POM121: variants seen among roughly 807,000 people sequenced by gnomAD.
POM121 encodes the protein nuclear envelope pore membrane protein POM 121.
A neutral mutation model predicts 81.3 loss-of-function variants in POM121; 32 were observed. The ratio of observed to expected loss-of-function variants is 0.39; its 90% CI spans 0.30 to 0.53. The LOEUF (loss-of-function observed/expected upper bound fraction) is 0.53. POM121 is among the 20% of genes least tolerant of loss of function. The pLI is 0.66. For synonymous variants in POM121, 514 were observed against 694.2 expected (o/e 0.74, Z 4.08); for missense variants, 1,138 against 1,614.6 (o/e 0.70, Z 5.06).
At chr7:72,937,759 T>C (rs1796654950) in intron 5 of POM121, among the ~76,000 whole-genome samples, 1 of 152,172 alleles carries the variant, frequency 6.6e-6, no homozygotes, top group South Asian at 2.1e-4. Flanking sequence ...CTCTGTGCCA[T>C]CTACTTTGCT....
chr7:72,936,086 A>G (rs1163666175), intron 5 of POM121, among the ~76,000 whole-genome samples: 8 of 151,954 alleles, frequency 5.3e-5, no homozygotes, highest in Non-Finnish European at 1.2e-4. Context: ...TGTACAGTCA[A>G]TGAAGTAGAG....
chr7:72,903,005 T>G (rs547011638), intron 3 of POM121, among the ~76,000 whole-genome samples: 1 of 152,248 alleles, frequency 6.6e-6, no homozygotes, highest in Admixed American at 6.5e-5. Context: ...TTAAAGACAA[T>G]TTGTTTCTTT....
At chr7:72,933,816 A>G (rs540431286) in intron 5 of POM121, among the ~76,000 whole-genome samples, 3 of 152,254 alleles carry the variant, frequency 2.0e-5, no homozygotes, top group Non-Finnish European at 4.4e-5. Context: ...TTATCTTTTC[A>G]GGGAGCTGAC....
intron 4 of POM121, among the ~76,000 whole-genome samples, chr7:72,918,012 G>T (rs540407975): frequency 6.6e-6 from 1 of 152,280 alleles, no homozygotes; most frequent in South Asian, 2.1e-4. Context: ...GATAGCTTAC[G>T]CCATTATTTC....
At chr7:72,886,205 A>T (rs1790697249) in intron 1 of POM121, among the ~76,000 whole-genome samples, 1 of 151,826 alleles carries the variant, frequency 6.6e-6, no homozygotes, top group African/African-American at 2.4e-5. Flanking sequence ...ACAGAGTCTC[A>T]CTCTGTCCCC....
At chr7:72,895,865 C>T (rs1791897657) in intron 3 of POM121, among the ~76,000 whole-genome samples, 1 of 151,568 alleles carries the variant, frequency 6.6e-6, no homozygotes. Flanking sequence ...GCTGAGATCG[C>T]GCCACTATAC....
intron 1 of POM121, chr7:72,890,507 A>C (rs1363716569): frequency 8.3e-7 from 1 of 1,205,632 alleles, no homozygotes. Flanking sequence ...CCCTTCCATA[A>C]TCTGTAACAT....
chr7:72,888,613 T>G (rs1252870287), intron 1 of POM121, among the ~76,000 whole-genome samples: 1 of 152,136 alleles, frequency 6.6e-6, no homozygotes, highest in Admixed American at 6.5e-5. Flanking sequence ...AGTGGGAAGA[T>G]ATGTAGTTTT....
chr7:72,939,159 A>G (rs1250687168), intron 6 of POM121, among the ~76,000 whole-genome samples, 177 bp from the exon 7 acceptor site: 2 of 152,202 alleles, frequency 1.3e-5, no homozygotes, highest in Non-Finnish European at 2.9e-5. Flanking sequence ...CTCTGTGAAC[A>G]GCCTCCCTTC....
Position 72,927,058 on chromosome 7 carries a change from A to G in POM121, c.1022+95A>G, listed in dbSNP as rs782318264. On this transcript the variant is annotated intron_variant, in intron 3 of 12. Transcript: ENST00000434423. ...CCATATAGATACAGAGGCCATCTCC[A>G]GTTTATGAGCCTTCGTAGGCCCCCT... 3.1e-5 allele frequency: 50 copies of G among 1,589,216 alleles called. No homozygotes were observed. The Middle Eastern group carries it at 6.3e-4, about 20-fold the overall frequency.
At chr7:72,949,612 C>G, downstream of POM121, 2 of 671,050 alleles carry the variant, frequency 3.0e-6, no homozygotes, top group Non-Finnish European at 5.3e-6. Context: ...ATTGAAACAG[C>G]CTATATTTAA....
At chr7:72,930,901 C>T (rs1795953340) in intron 5 of POM121, among the ~76,000 whole-genome samples, 1 of 152,114 alleles carries the variant, frequency 6.6e-6, no homozygotes, top group South Asian at 2.1e-4. Flanking sequence ...CACATAACAT[C>T]TCTTTTTCTT....
Position 72,925,158 on chromosome 7 carries a change from C to A in POM121, c.37C>A (p.Arg13=), listed in dbSNP as rs1459542789. ...PAAAAAGAGE[R]RRPIASVRDG... ...GGCTGCGGCGGCTGGAGCAGGCGAG[C>A]GGCGGCGGCCCATAGCGAGTGTCAG... Residue 13 remains arginine (R), a synonymous_variant, in exon 1 of 13, where the codon CGG becomes AGG. Transcript: ENST00000434423. 192 of 1,476,822 alleles carry A rather than the reference C, an allele frequency of 1.3e-4. No homozygotes were observed. Among genetic ancestry groups the A allele is most frequent in the Non-Finnish European group, 1.6e-4 (182 of 1,123,600 alleles). The allele number at this position is 1,476,822 out of a possible 1,614,324, so 91.5% of individuals were successfully genotyped here.
In POM121 at chr7:72,879,836, G is replaced by T. The variant is rs879962401; in HGVS notation, c.-570G>T. ...ACGCGCGCGCCAGCGACAGCAGCCC[G>T]CCCCGGCCTCTCGGGAGCCGTGGGG... On this transcript the variant is annotated 5_prime_UTR_variant, in exon 1 of 16. Coordinates refer to the POM121 transcript ENST00000395270. 20 of 508,778 alleles carry T rather than the reference G, an allele frequency of 3.9e-5. 1 individual carries two copies. Among genetic ancestry groups the T allele is most frequent in the Admixed American group, 2.2e-4 (11 of 50,194 alleles). 31.5% of individuals were successfully genotyped at this position (508,778 alleles called of 1,614,324 possible). A position where few individuals can be genotyped will look rare whatever the true frequency, so the allele number is the denominator to read the frequency against.
Position 72,928,456 on chromosome 7 carries a change from T to C in POM121, c.1094T>C (p.Phe365Ser), listed in dbSNP as rs782567001. The change falls in exon 4 of 13, where the codon TTT becomes TCT. Residue 365 changes from phenylalanine (F) to serine (S), a missense_variant. By Grantham distance (155) the Phe-to-Ser change is radical. This residue lies in a region of POM121 where 646 missense variants were observed against 633.5 expected (regional missense o/e 1.02). Coordinates refer to ENST00000434423, the MANE Select transcript of POM121 (RefSeq NM_001387691.1). ...PLVANGVPAS[F>S]VPKPGSLKRG... Reference sequence around the variant, plus strand: ...GTGGCCAATGGAGTCCCCGCTTCTTTTGTGCCTAAGTAAGTGGGAGTCCAT... The same window carrying C: ...GTGGCCAATGGAGTCCCCGCTTCTTCTGTGCCTAAGTAAGTGGGAGTCCAT... The C allele has an allele frequency of 7.4e-6, 12 of 1,614,074 alleles. No homozygotes were observed. Among genetic ancestry groups the C allele is most frequent in the Admixed American group, 6.7e-5 (4 of 60,006 alleles).
chr7:72,899,726 G>GCC (rs1792395778), intron 3 of POM121, among the ~76,000 whole-genome samples: 2 of 151,848 alleles, frequency 1.3e-5, no homozygotes, highest in South Asian at 2.1e-4. Context: ...CTACAGGCAT[G>GCC]TGCCACCACG....
intron 1 of POM121, among the ~76,000 whole-genome samples, chr7:72,887,517 C>T (rs1554490240): frequency 6.6e-6 from 1 of 152,136 alleles, no homozygotes; most frequent in Non-Finnish European, 1.5e-5. Context: ...GCCTGATAAT[C>T]AGTGCCTTGG....
chr7:72,879,975 G>A (rs1376006783), intron 1 of POM121: 9 of 400,262 alleles, frequency 2.2e-5, no homozygotes, highest in Admixed American at 8.9e-5. Flanking sequence ...CAGAGGGAGC[G>A]TCCCGATTGC....
intron 10 of POM121, 79 bp from the exon 11 acceptor site, chr7:72,941,758 T>C (rs1224366974): frequency 1.5e-5 from 23 of 1,556,380 alleles, no homozygotes; most frequent in Non-Finnish European, 1.9e-5. Context: ...GTGGTAGGCG[T>C]GGGGAGGACA....
Sources: allele counts gnomAD v4.1 joint callset (sites outside exome capture counted in the v4.1 genomes callset), GRCh38; gene constraint gnomAD v4.1.1; regional missense constraint gnomAD v4.1.1; transcripts MANE v1.5; gene names NCBI Gene and HGNC (gene_info 2026-07-23, HGNC 2026-07-21).